Variants in PFKFB4 observed in about 807,000 individuals in gnomAD.
PFKFB4 encodes 6-phosphofructo-2-kinase/fructose-2,6-bisphosphatase 4.
Under a neutral mutation model 62.8 loss-of-function variants are expected in PFKFB4, and 42 were observed. That is an observed-to-expected ratio of 0.67 (90% CI 0.52 to 0.86). The LOEUF (loss-of-function observed/expected upper bound fraction) is 0.86, where lower values mean the gene tolerates loss of function less well. Among genes scored for constraint, PFKFB4 ranks in the 40% least tolerant of loss-of-function variants. The probability of loss-of-function intolerance (pLI) is 0.00; values close to 1 mark genes in which losing one functional copy is unlikely to be tolerated. For synonymous variants in PFKFB4, 204 were observed against 240.7 expected, an observed-to-expected ratio of 0.85 and a Z score of 1.41; for missense variants, 475 against 627.2, an observed-to-expected ratio of 0.76 and a Z score of 2.59.
chr3:48,539,375 C>G (rs768808733), intron 5 of PFKFB4, 65 bp from the exon 6 acceptor site: 2 of 1,382,626 alleles, frequency 1.4e-6, no homozygotes, highest in African/African-American at 2.8e-5. Flanking sequence ...CAGGGCCTCC[C>G]GCCTTGCTCC....
At chr3:48,551,552 T>TA (rs1392228459) in intron 1 of PFKFB4, among the ~76,000 whole-genome samples, 8 of 71,546 alleles carry the variant, frequency 1.1e-4, no homozygotes, top group African/African-American at 4.2e-4. Flanking sequence ...TTTTTTTTTT[T>TA]GAGAGGGAGT....
intron 9 of PFKFB4, among the ~76,000 whole-genome samples, chr3:48,527,776 C>T (rs1163268728): frequency 6.6e-6 from 1 of 151,254 alleles, no homozygotes; most frequent in African/African-American, 2.4e-5. Flanking sequence ...CAACCTCTGC[C>T]TCCCATGTTT....
chr3:48,546,806 G>A (rs1030182678), intron 3 of PFKFB4, among the ~76,000 whole-genome samples: 1 of 152,214 alleles, frequency 6.6e-6, no homozygotes, highest in Non-Finnish European at 1.5e-5. Flanking sequence ...GGCACAGGGT[G>A]CCTATATGAC....
At chr3:48,537,620 G>T (rs967048529) in intron 7 of PFKFB4, among the ~76,000 whole-genome samples, 18 of 150,330 alleles carry the variant, frequency 1.2e-4, no homozygotes, top group Non-Finnish European at 2.7e-4. Flanking sequence ...ACCTCCCTGG[G>T]CTTAGGTGAT....
upstream of PFKFB4, among the ~76,000 whole-genome samples, chr3:48,558,498 C>T (rs1018094819): frequency 1.3e-5 from 2 of 152,240 alleles, no homozygotes; most frequent in African/African-American, 4.8e-5. Flanking sequence ...CCATGCCCTC[C>T]CTGCCACAGC....
intron 9 of PFKFB4, among the ~76,000 whole-genome samples, chr3:48,526,786 C>A (rs2042274911): frequency 6.6e-6 from 1 of 150,494 alleles, no homozygotes; most frequent in Admixed American, 6.6e-5. Flanking sequence ...TAAAAAAATA[C>A]AAAAATTAGC....
At chr3:48,520,339 G>A (rs925170700) in intron 13 of PFKFB4, among the ~76,000 whole-genome samples, 5 of 152,174 alleles carry the variant, frequency 3.3e-5, no homozygotes, top group Admixed American at 1.3e-4. Context: ...CCACCAAACT[G>A]CAGAGCTCAG....
upstream of PFKFB4, among the ~76,000 whole-genome samples, chr3:48,561,407 G>A (rs1389125977): frequency 6.6e-6 from 1 of 152,278 alleles, no homozygotes; most frequent in Admixed American, 6.5e-5. The surrounding 1 kb of genome is among the most constrained non-coding windows in gnomAD (Gnocchi z 5.2). Flanking sequence ...GCACAGCCCA[G>A]AGTGCCTGCC....
At chr3:48,561,038 T>C (rs2043424510), upstream of PFKFB4, 2 of 1,269,192 alleles carry the variant, frequency 1.6e-6, no homozygotes, top group African/African-American at 1.5e-5. The surrounding 1 kb of genome is among the most constrained non-coding windows in gnomAD (Gnocchi z 5.2). Flanking sequence ...CTCCCCACGC[T>C]GTCCCGTGCC....
upstream of PFKFB4, chr3:48,561,190 A>T: frequency 1.3e-6 from 1 of 774,260 alleles, no homozygotes; most frequent in Non-Finnish European, 1.8e-6. This position sits in a 1 kb window ranked among gnomAD's most constrained non-coding sequence, Gnocchi z 5.2. Flanking sequence ...CACTCTGAAG[A>T]GAGAGAAGCG....
intron 1 of PFKFB4, among the ~76,000 whole-genome samples, chr3:48,552,677 T>C (rs1005445512): frequency 6.6e-6 from 1 of 152,200 alleles, no homozygotes; most frequent in Non-Finnish European, 1.5e-5. Context: ...AAATCCTGCA[T>C]CTACCCTGCT....
At chr3:48,560,855 C>A (rs1378973708), upstream of PFKFB4, among the ~76,000 whole-genome samples, 5 of 151,936 alleles carry the variant, frequency 3.3e-5, no homozygotes, top group Non-Finnish European at 5.9e-5. Context: ...ATTTATAGTT[C>A]CCCCTTGGCC....
At chr3:48,545,364 C>G (rs1298834988) in intron 3 of PFKFB4, among the ~76,000 whole-genome samples, 1 of 152,164 alleles carries the variant, frequency 6.6e-6, no homozygotes, top group East Asian at 1.9e-4. Context: ...AACTCCTGAC[C>G]TCAGGTGATC....
chr3:48,556,624 G>T lies in PFKFB4; in HGVS notation c.97+57C>A. The T allele has an allele frequency of 8.3e-7, 1 of 1,199,338 alleles. No individual in the cohort carries two copies. The highest frequency in any genetic ancestry group is 1.4e-5 in the South Asian group (1 of 72,376). The allele number at this position is 1,199,338 out of a possible 1,614,324, so 74.3% of individuals were successfully genotyped here. On this transcript the variant is annotated intron_variant, in intron 1 of 13. Transcript: ENST00000232375. The surrounding 1 kb of genome is among the most constrained non-coding windows in gnomAD (Gnocchi z 5.7). Reference sequence around the variant, plus strand: ...TCCATGCGAGACCCCCGCCCAGGCCGCCCTACCCACCCATCCCGGTGCACC... The same window carrying T: ...TCCATGCGAGACCCCCGCCCAGGCCTCCCTACCCACCCATCCCGGTGCACC...
At chr3:48,555,906 C>T (rs996414164) in intron 1 of PFKFB4, among the ~76,000 whole-genome samples, 1 of 149,580 alleles carries the variant, frequency 6.7e-6, no homozygotes, top group African/African-American at 2.5e-5. Flanking sequence ...AGACTCATCT[C>T]TTAAAAAAAA....
upstream of PFKFB4, chr3:48,563,134 A>G (rs201700183): frequency 2.3e-4 from 368 of 1,603,938 alleles, 1 homozygote; most frequent in Admixed American, 3.8e-4. This position sits in a 1 kb window ranked among gnomAD's most constrained non-coding sequence, Gnocchi z 4.5. Context: ...TCGTGAGGTC[A>G]GGCTGCAAGG....
chr3:48,561,189 G>T, upstream of PFKFB4: 1 of 807,050 alleles, frequency 1.2e-6, no homozygotes, highest in Non-Finnish European at 1.7e-6. This position sits in a 1 kb window ranked among gnomAD's most constrained non-coding sequence, Gnocchi z 5.2. Flanking sequence ...GCACTCTGAA[G>T]AGAGAGAAGC....
rs1404814832 is a variant in PFKFB4 at position 48,521,042 on chromosome 3, A to G, written c.1350+944T>C. Among the ~76,000 whole-genome samples, 1 of 152,226 alleles carries G rather than the reference A, an allele frequency of 6.6e-6. No homozygotes were observed. The highest frequency in any genetic ancestry group is 1.9e-4 in the East Asian group (1 of 5,194). ...TGCACGAACTATCAGAGCAATGGGA[A>G]GAGAGGCCTGCAGGGTAACTGGTCC... On this transcript the variant is annotated intron_variant, in intron 13 of 13. Transcript: ENST00000232375. The surrounding 1 kb of genome is among the most constrained non-coding windows in gnomAD (Gnocchi z 5.3).
chr3:48,528,724 C>T (rs1053783775), intron 9 of PFKFB4, among the ~76,000 whole-genome samples: 2 of 152,110 alleles, frequency 1.3e-5, no homozygotes, highest in Non-Finnish European at 1.5e-5. Flanking sequence ...TCCACATAGC[C>T]CAAAAGTGGC....
Sources: gnomAD v4.1 joint callset for allele counts (sites outside exome capture counted in the v4.1 genomes callset) on GRCh38, gnomAD v4.1.1 for gene constraint, Gnocchi (gnomAD v3.1) non-coding constraint, MANE v1.5 for transcripts, NCBI Gene and HGNC (gene_info 2026-07-23, HGNC 2026-07-21) for gene names.